The following PDZD9 variants were observed in gnomAD, a reference collection of about 807,000 sequenced individuals.
PDZD9 encodes the protein PDZ domain containing 9.
In PDZD9, 13 loss-of-function variants were observed where a neutral mutation model predicts 16.3. That is an observed-to-expected ratio of 0.80 (90% CI 0.52 to 1.27). PDZD9 has a LOEUF of 1.27. PDZD9 is among the 50% of genes most tolerant of loss of function. The probability of loss-of-function intolerance (pLI) is 0.00; values close to 1 mark genes in which losing one functional copy is unlikely to be tolerated. For missense variants in PDZD9, 288 were observed against 310.9 expected, an observed-to-expected ratio of 0.93 and a Z score of 0.55; for synonymous variants, 120 against 111.0, an observed-to-expected ratio of 1.08 and a Z score of -0.51.
Position 22,001,026 on chromosome 16 carries a change from T to A in PDZD9, c.22A>T (p.Asn8Tyr). 1 of 1,532,982 alleles carries A rather than the reference T, an allele frequency of 6.5e-7. No individual in the cohort carries two copies. The highest frequency in any genetic ancestry group is 8.7e-7 in the Non-Finnish European group (1 of 1,145,738). 95.0% of individuals were successfully genotyped at this position (1,532,982 alleles called of 1,614,324 possible). MQKASHK[N>Y]KKERGVSNKV... ...CCTTCTCCCCAGTTACCTTTTTTGT[T>A]TTTGTGGGAGGCCTTCTGCATGGTC... The change falls in exon 1 of 4, where the codon AAC (asparagine) becomes TAC (tyrosine). Residue 8 changes from asparagine to tyrosine, a missense_variant. Physicochemically the swap from Asn to Tyr is moderately radical, Grantham distance 143. Transcript: ENST00000424898.
chr16:21,989,078 G>A (rs1369332943), intron 2 of PDZD9, among the ~76,000 whole-genome samples: 1 of 151,606 alleles, frequency 6.6e-6, no homozygotes, highest in Non-Finnish European at 1.5e-5. Flanking sequence ...ATGGGCATGT[G>A]CCATCAAGCC....
intron 1 of PDZD9, 114 bp downstream of exon 1, chr16:22,000,903 G>T: frequency 2.1e-6 from 2 of 962,934 alleles, no homozygotes; most frequent in South Asian, 3.2e-5. Flanking sequence ...CAACAACGAT[G>T]GAGAGAGGTT....
intron 3 of PDZD9, among the ~76,000 whole-genome samples, chr16:21,985,306 A>T (rs1184074223): frequency 6.6e-6 from 1 of 151,536 alleles, no homozygotes; most frequent in African/African-American, 2.4e-5. Flanking sequence ...ATTTATTTTT[A>T]TTTATTTATT....
At chr16:21,976,201 T>C in the PDZD9 span, 1 of 1,614,024 alleles carries the variant, frequency 6.2e-7, no homozygotes, top group Non-Finnish European at 8.5e-7. Context: ...GTAAAAACAA[T>C]AGCTCAAGGA....
intron 1 of PDZD9, chr16:21,998,962 C>T (rs887350334): frequency 1.3e-5 from 3 of 227,746 alleles, no homozygotes; most frequent in African/African-American, 2.3e-5. Flanking sequence ...TCCATGAGAG[C>T]TTCACAGGTT....
At chr16:21,983,492 G>A (rs2141952006), downstream of PDZD9, 1 of 350,960 alleles carries the variant, frequency 2.8e-6, no homozygotes, top group East Asian at 4.2e-5. Flanking sequence ...AGGCTAAGTG[G>A]CTATCGGGGT....
chr16:21,970,838 G>A, the PDZD9 span, among the ~76,000 whole-genome samples: 3 of 152,156 alleles, frequency 2.0e-5, no homozygotes, highest in Non-Finnish European at 2.9e-5. Flanking sequence ...CACTTGCCTC[G>A]GCCTCCCAAA....
intron 2 of PDZD9, among the ~76,000 whole-genome samples, chr16:21,992,824 G>T (rs559849772): frequency 1.3e-5 from 2 of 152,236 alleles, no homozygotes; most frequent in East Asian, 3.9e-4. Context: ...GAACAATATG[G>T]TTTGGTTCTG....
downstream of PDZD9, chr16:21,980,849 C>T (rs561055335): frequency 5.6e-6 from 5 of 885,436 alleles, no homozygotes; most frequent in East Asian, 1.4e-4. Flanking sequence ...GGCTCATTCC[C>T]ATAAGATCCG....
At chr16:21,982,648 AT>A (rs1385550971), downstream of PDZD9, among the ~76,000 whole-genome samples, 12 of 152,206 alleles carry the variant, frequency 7.9e-5, no homozygotes, top group Admixed American at 2.0e-4. Context: ...CACAACAGCT[AT>A]TATAGTAATT....
chr16:21,988,369 G>C (rs926378390), intron 3 of PDZD9, among the ~76,000 whole-genome samples: 1 of 152,084 alleles, frequency 6.6e-6, no homozygotes, highest in African/African-American at 2.4e-5. Context: ...TAGGCATGGG[G>C]ACAAAATTCC....
chr16:21,986,126 T>G (rs1319651349), intron 3 of PDZD9, among the ~76,000 whole-genome samples: 2 of 152,174 alleles, frequency 1.3e-5, no homozygotes, highest in Non-Finnish European at 2.9e-5. Flanking sequence ...ACCCAGAGCG[T>G]TACATGGAGA....
the PDZD9 span, among the ~76,000 whole-genome samples, chr16:21,969,484 A>G: frequency 6.6e-6 from 1 of 152,174 alleles, no homozygotes; most frequent in South Asian, 2.1e-4. Context: ...GTGAGCTGAG[A>G]TCGTGCCACT....
At chr16:21,973,494 AAG>A in the PDZD9 span, among the ~76,000 whole-genome samples, 1 of 152,188 alleles carries the variant, frequency 6.6e-6, no homozygotes, top group African/African-American at 2.4e-5. Context: ...ATGAGTGTAT[AAG>A]AGAAATGAAA....
the PDZD9 span, among the ~76,000 whole-genome samples, chr16:21,975,133 A>G: frequency 6.6e-6 from 1 of 152,176 alleles, no homozygotes; most frequent in South Asian, 2.1e-4. Context: ...GGTTAATCCC[A>G]GGTTGGAATC....
chr16:21,969,973 A>T, the PDZD9 span, among the ~76,000 whole-genome samples: 1 of 151,822 alleles, frequency 6.6e-6, no homozygotes, highest in Non-Finnish European at 1.5e-5. Context: ...GGCTCAGGTG[A>T]TCCTCCCACC....
intron 3 of PDZD9, 90 bp downstream of exon 3, chr16:21,988,512 C>G: frequency 9.2e-7 from 1 of 1,085,830 alleles, no homozygotes; most frequent in African/African-American, 1.6e-5. Flanking sequence ...TGATCCTTAT[C>G]ATTTGATAAT....
At chr16:21,964,720 A>G in the PDZD9 span, among the ~76,000 whole-genome samples, 1 of 152,190 alleles carries the variant, frequency 6.6e-6, no homozygotes, top group Non-Finnish European at 1.5e-5. Flanking sequence ...CCTCTACTGC[A>G]CTTTTGACAC....
the PDZD9 span, among the ~76,000 whole-genome samples, chr16:21,973,383 A>G: frequency 1.3e-5 from 2 of 152,196 alleles, no homozygotes; most frequent in African/African-American, 2.4e-5. Context: ...GCTCTGCTCA[A>G]ACTAGATAAC....
Sources: allele counts gnomAD v4.1 joint callset (sites outside exome capture counted in the v4.1 genomes callset), GRCh38; gene constraint gnomAD v4.1.1; transcripts MANE v1.5; gene names NCBI Gene and HGNC (gene_info 2026-07-23, HGNC 2026-07-21).